Variants in PCLO observed in about 807,000 individuals in gnomAD.
PCLO encodes the protein piccolo presynaptic cytomatrix protein.
In PCLO, 82 loss-of-function variants were observed where a neutral mutation model predicts 427.5. The ratio of observed to expected loss-of-function variants is 0.19; its 90% confidence interval spans 0.16 to 0.23. The LOEUF (loss-of-function observed/expected upper bound fraction) is 0.23, where lower values mean the gene tolerates loss of function less well. Ranked by LOEUF, PCLO falls within the 10% of genes least tolerant of loss-of-function variation. The pLI is 1.00. For missense variants in PCLO, 6,239 were observed against 6,115.9 expected, an observed-to-expected ratio of 1.02 and a Z score of -0.67; for synonymous variants, 2,357 against 2,155.4, an observed-to-expected ratio of 1.09 and a Z score of -2.59.
At chr7:83,097,929 T>G (rs1790637019) in intron 3 of PCLO, among the ~76,000 whole-genome samples, 1 of 152,174 alleles carries the variant, frequency 6.6e-6, no homozygotes, top group Non-Finnish European at 1.5e-5. Context: ...AAGTGTTTTA[T>G]GATTATATTT....
At chr7:82,896,138 A>G (rs1793898486) in intron 9 of PCLO, among the ~76,000 whole-genome samples, 1 of 151,898 alleles carries the variant, frequency 6.6e-6, no homozygotes, top group Non-Finnish European at 1.5e-5. Flanking sequence ...AAATAGTTAG[A>G]CGGAAACTTA....
chr7:83,138,015 AT>A (rs1262886549), intron 2 of PCLO, among the ~76,000 whole-genome samples: 2 of 152,080 alleles, frequency 1.3e-5, no homozygotes. Flanking sequence ...CCTATTATCA[AT>A]GTCAACTCTG....
intron 10 of PCLO, among the ~76,000 whole-genome samples, chr7:82,874,215 A>C (rs1793313036): frequency 6.6e-6 from 1 of 151,446 alleles, no homozygotes; most frequent in Admixed American, 6.6e-5. Flanking sequence ...TATTGCTTGG[A>C]TCTTTGCTAC....
chr7:83,141,219 G>A (rs1287744603), intron 2 of PCLO, among the ~76,000 whole-genome samples: 2 of 152,166 alleles, frequency 1.3e-5, no homozygotes, highest in South Asian at 2.1e-4. Context: ...AGCCTACAAC[G>A]ATATCAATGT....
At chr7:82,949,407 C>T in intron 6 of PCLO, 69 bp downstream of exon 6, 1 of 1,245,590 alleles carries the variant, frequency 8.0e-7, no homozygotes, top group Non-Finnish European at 1.1e-6. Flanking sequence ...CTGATCGCCT[C>T]CTAAAAGTCT....
intron 3 of PCLO, among the ~76,000 whole-genome samples, chr7:82,972,941 A>AT (rs1795937403): frequency 6.6e-6 from 1 of 152,070 alleles, no homozygotes; most frequent in South Asian, 2.1e-4. Context: ...TATCAATGTT[A>AT]TTTACAATCT....
Position 82,760,943 on chromosome 7 carries a change from C to CTTTTTTTT in PCLO, c.15143-167_15143-160dup, listed in dbSNP as rs767222339. 1.2e-3 allele frequency among the ~76,000 whole-genome samples: 71 copies of CTTTTTTTT among 60,392 alleles called. 10 individuals are homozygous for CTTTTTTTT. Among genetic ancestry groups the CTTTTTTTT allele is most frequent in the African/African-American group, 4.2e-3 (64 of 15,336 alleles). 39.6% of individuals were successfully genotyped at this position (60,392 alleles called of 152,430 possible). On this transcript the variant is annotated intron_variant, in intron 23 of 24. Transcript: ENST00000333891. ...AACATAAAATGATTAAAAGATATGT[C>CTTTTTTTT]TTTTTTTTTTTTTTTTTTTTTTTTT...
intron 10 of PCLO, among the ~76,000 whole-genome samples, chr7:82,875,688 T>C (rs1793352698): frequency 6.6e-6 from 1 of 152,128 alleles, no homozygotes; most frequent in Non-Finnish European, 1.5e-5. Context: ...GACTCTGATG[T>C]CTTAAAATCC....
At chr7:82,944,533 A>G (rs1386110783) in intron 6 of PCLO, among the ~76,000 whole-genome samples, 2 of 152,168 alleles carry the variant, frequency 1.3e-5, no homozygotes, top group Non-Finnish European at 2.9e-5. Context: ...GGCCATAGAG[A>G]TAGAGTACTA....
In PCLO at chr7:82,950,504, C is replaced by T. The variant is rs966274404; in HGVS notation, c.10084G>A (p.Val3362Ile). 2 of 1,613,866 alleles carry T rather than the reference C, an allele frequency of 1.2e-6. No homozygotes were observed. Among genetic ancestry groups the T allele is most frequent in the South Asian group, 1.1e-5 (1 of 91,084 alleles). The change falls in exon 6 of 25, where the codon GTT becomes ATT. Residue 3362 changes from valine to isoleucine, a missense_variant. Transcript: ENST00000333891. ...TEDATTTASA[V>I]VAIEIPQSQG... Reference sequence around the variant, plus strand: ...CTTTGTGGTATTTCAATTGCCACAACAGCTGAAGCTGTGGTGGTTGCATCT... The same window carrying T: ...CTTTGTGGTATTTCAATTGCCACAATAGCTGAAGCTGTGGTGGTTGCATCT...
intron 9 of PCLO, among the ~76,000 whole-genome samples, chr7:82,889,473 TG>T (rs1337784631): frequency 6.6e-6 from 1 of 152,210 alleles, no homozygotes; most frequent in East Asian, 1.9e-4. Flanking sequence ...GAAAATTATA[TG>T]ATTTAAAATT....
chr7:82,965,316 C>CTTTTTTTTT (rs544516132), intron 4 of PCLO, among the ~76,000 whole-genome samples: 1 of 123,054 alleles, frequency 8.1e-6, no homozygotes, highest in African/African-American at 3.1e-5. Flanking sequence ...TTCTTTCTTT[C>CTTTTTTTTT]TTTTTTTTTT....
chr7:82,912,366 A>G (rs1241067444), intron 7 of PCLO, among the ~76,000 whole-genome samples: 1 of 151,866 alleles, frequency 6.6e-6, no homozygotes, highest in African/African-American at 2.4e-5. Flanking sequence ...TAGAAGAAAA[A>G]TAGTATGCTT....
chr7:83,014,887 T>C (rs1373524917), intron 3 of PCLO, among the ~76,000 whole-genome samples: 1 of 152,182 alleles, frequency 6.6e-6, no homozygotes, highest in Non-Finnish European at 1.5e-5. Flanking sequence ...GTACTCCCTT[T>C]TTTTAGTCAC....
In PCLO at chr7:82,846,654, A is replaced by C. The variant is rs1792510909; in HGVS notation, c.13764-20T>G. The C allele has an allele frequency of 1.3e-6, 2 of 1,508,064 alleles. No individual in the cohort carries two copies. Among genetic ancestry groups the C allele is most frequent in the East Asian group, 4.5e-5 (2 of 44,142 alleles). 93.4% of individuals were successfully genotyped at this position (1,508,064 alleles called of 1,614,324 possible). ...AGGTCCCTAAAAATTAAAACAAAAC[A>C]TTAAGAAAGATATTGAGGAAATCTG... On this transcript the variant is annotated intron_variant, in intron 11 of 24. Transcript: ENST00000333891.
intron 9 of PCLO, among the ~76,000 whole-genome samples, chr7:82,890,056 C>T (rs1017145842): frequency 1.3e-5 from 2 of 151,170 alleles, no homozygotes; most frequent in Admixed American, 1.3e-4. Context: ...ATTATATATA[C>T]ATACATGCAA....
Position 82,826,634 on chromosome 7 carries a change from T to A in PCLO, c.14370A>T (p.Thr4790=). ...ATGAAAATCTATCATAATCCCAAAC[T>A]GTCACCTCCAGTGTTTTCTTCTTGA... is the stretch of plus-strand genomic sequence containing the variant. The part of the protein sequence containing the change: ...EQLKKKTLEV[T]VWDYDRFSSN... The change falls in exon 18 of 25, where the codon ACA becomes ACT. Residue 4790 remains threonine, a synonymous_variant. Transcript: ENST00000333891. 2 of 1,607,218 alleles carry A rather than the reference T, an allele frequency of 1.2e-6. No homozygotes were observed. Among genetic ancestry groups the A allele is most frequent in the Non-Finnish European group, 1.7e-6 (2 of 1,175,662 alleles).
chr7:82,946,179 A>C (rs1795196333), intron 6 of PCLO, among the ~76,000 whole-genome samples: 1 of 152,218 alleles, frequency 6.6e-6, no homozygotes, highest in African/African-American at 2.4e-5. Context: ...ACTTGCTAAG[A>C]TTTCATTGTC....
chr7:82,830,235 G>T (rs1792059871), intron 16 of PCLO, among the ~76,000 whole-genome samples: 1 of 151,328 alleles, frequency 6.6e-6, no homozygotes, highest in Non-Finnish European at 1.5e-5. Flanking sequence ...TATTTGTTAG[G>T]GTATTTTCTA....
Sources: gnomAD v4.1 joint callset for allele counts (sites outside exome capture counted in the v4.1 genomes callset) on GRCh38, gnomAD v4.1.1 for gene constraint, MANE v1.5 for transcripts, NCBI Gene and HGNC (gene_info 2026-07-23, HGNC 2026-07-21) for gene names.